The following RLN2 variants were observed in gnomAD, a reference collection of about 807,000 sequenced individuals.
The protein encoded by RLN2 is prorelaxin H2.
RLN2 carries 10 observed loss-of-function variants against 7.3 expected under a neutral mutation model. The observed-to-expected ratio is 1.36, with a 90% CI of 0.84 to 2.31. The LOEUF (loss-of-function observed/expected upper bound fraction) is 2.31. Ranked by LOEUF, RLN2 falls within the 30% of genes most tolerant of loss-of-function variation. The pLI, the probability that RLN2 is intolerant of heterozygous loss-of-function variation, is 0.00. For missense variants in RLN2, 298 were observed against 217.6 expected (o/e 1.37, Z -2.32); for synonymous variants, 103 against 82.3 (o/e 1.25, Z -1.36).
chr9:5,320,863 A>C, the RLN2 span, among the ~76,000 whole-genome samples: 4 of 152,176 alleles, frequency 2.6e-5, no homozygotes, highest in South Asian at 4.1e-4. Flanking sequence ...AGAAATGATG[A>C]ATTTTATCAT....
At chr9:5,327,849 G>A in the RLN2 span, among the ~76,000 whole-genome samples, 8 of 151,870 alleles carry the variant, frequency 5.3e-5, no homozygotes, top group Non-Finnish European at 1.2e-4. Context: ...ACTAATAAAC[G>A]GAAATGAATA....
the RLN2 span, among the ~76,000 whole-genome samples, chr9:5,323,607 C>T: frequency 1.3e-5 from 2 of 151,878 alleles, no homozygotes; most frequent in African/African-American, 4.8e-5. Context: ...TAAAGGTACA[C>T]AGCAACAAAC....
the RLN2 span, among the ~76,000 whole-genome samples, chr9:5,316,141 A>G: frequency 1.3e-5 from 2 of 151,992 alleles, no homozygotes; most frequent in Admixed American, 6.6e-5. Context: ...AATAACTACA[A>G]TAAGTTGTTA....
rs1816086125 is a variant in RLN2, at chr9:5,300,270, A to G, written c.386T>C (p.Phe129Ser). Reference sequence around the variant, plus strand: ...TTGTCTATTGCGAATAAGTTTCTTAAATTCTTCAAAGAGAAGACTGGAATC... The same window carrying G: ...TTGTCTATTGCGAATAAGTTTCTTAGATTCTTCAAAGAGAAGACTGGAATC... ...LKDSSLLFEE[F>S]KKLIRNRQSE... The change falls in exon 2 of 2, where the codon TTT becomes TCT. Residue 129 changes from phenylalanine (F) to serine (S), a missense_variant. Physicochemically the swap from Phe to Ser is radical, Grantham distance 155. Coordinates refer to ENST00000381627, the MANE Select transcript of RLN2 (RefSeq NM_134441.3). 2 of 1,614,044 alleles carry G rather than the reference A, an allele frequency of 1.2e-6. No homozygotes were observed.
the RLN2 span, among the ~76,000 whole-genome samples, chr9:5,332,418 A>T: frequency 1.3e-5 from 2 of 152,188 alleles, no homozygotes; most frequent in African/African-American, 4.8e-5. Flanking sequence ...AGCAGAAAAA[A>T]TAGTATTGTC....
At chr9:5,300,991 A>T in intron 1 of RLN2, among the ~76,000 whole-genome samples, 1 of 152,214 alleles carries the variant, frequency 6.6e-6, no homozygotes, top group East Asian at 1.9e-4. Flanking sequence ...CAGGAGAAAG[A>T]AGTCTCTGAT....
rs1229364994 is a variant in RLN2, at chr9:5,304,380, T to A, written c.201A>T (p.Arg67Ser). The change falls in exon 1 of 2, where the codon AGA (arginine) becomes AGT (serine). Residue 67 changes from arginine to serine, a missense_variant. Coordinates refer to ENST00000381627, the MANE Select transcript of RLN2 (RefSeq NM_134441.3). ...GGCGGGAGCTCTCACCTGCCACTGG[T>A]CTAGGTGTCTGAGGAGCATCTTCCT... Reference protein sequence around the residue: ...LSQEDAPQTPRPVAEIVPSFI... With the variant: ...LSQEDAPQTPSPVAEIVPSFI... 3 of 1,597,420 alleles carry A rather than the reference T, an allele frequency of 1.9e-6. No homozygotes were observed. The highest frequency in any genetic ancestry group is 2.6e-6 in the Non-Finnish European group (3 of 1,173,244).
intron 1 of RLN2, among the ~76,000 whole-genome samples, chr9:5,300,675 G>A (rs568121057): frequency 7.9e-4 from 120 of 152,110 alleles, no homozygotes; most frequent in Non-Finnish European, 1.3e-3. Context: ...GTCCTCTCTC[G>A]TCTCTCTTCA....
the RLN2 span, among the ~76,000 whole-genome samples, chr9:5,330,184 CATAA>C: frequency 6.6e-6 from 1 of 151,998 alleles, no homozygotes; most frequent in Non-Finnish European, 1.5e-5. Context: ...GAAATGAAGG[CATAA>C]ATAAAGAAGT....
At chr9:5,312,663 G>A in the RLN2 span, among the ~76,000 whole-genome samples, 1 of 151,780 alleles carries the variant, frequency 6.6e-6, no homozygotes, top group African/African-American at 2.4e-5. Flanking sequence ...TGTCCTGCCT[G>A]AAATACCATG....
the RLN2 span, among the ~76,000 whole-genome samples, chr9:5,331,399 C>G: frequency 6.6e-6 from 1 of 151,940 alleles, no homozygotes; most frequent in Non-Finnish European, 1.5e-5. Flanking sequence ...GCACTATTCA[C>G]AATAGCAAAG....
At chr9:5,334,145 A>T in the RLN2 span, among the ~76,000 whole-genome samples, 5 of 152,042 alleles carry the variant, frequency 3.3e-5, no homozygotes, top group African/African-American at 7.3e-5. Context: ...GTCCTGTTCA[A>T]CATAGTGTTG....
At chr9:5,333,533 T>TACTAACCAAAAACAGCCC in the RLN2 span, among the ~76,000 whole-genome samples, 10 of 151,978 alleles carry the variant, frequency 6.6e-5, no homozygotes, top group African/African-American at 1.2e-4. Context: ...ATGAACAGCC[T>TACTAACCAAAAACAGCCC]ACTAACCAAA....
chr9:5,307,765 C>A (rs1816280975), upstream of RLN2, among the ~76,000 whole-genome samples: 1 of 152,078 alleles, frequency 6.6e-6, no homozygotes, highest in Non-Finnish European at 1.5e-5. Flanking sequence ...GGCCTCTGAG[C>A]TTCTACAGCC....
chr9:5,325,306 A>G, the RLN2 span, among the ~76,000 whole-genome samples: 2 of 152,000 alleles, frequency 1.3e-5, no homozygotes, highest in Admixed American at 1.3e-4. Context: ...ATAAAGAAAT[A>G]AGAAAGGCAA....
At chr9:5,311,319 T>A in the RLN2 span, 1 of 372,798 alleles carries the variant, frequency 2.7e-6, no homozygotes, top group Non-Finnish European at 5.1e-6. Flanking sequence ...TGAGCAGACA[T>A]GTGATGGGAG....
chr9:5,318,646 C>G, the RLN2 span, among the ~76,000 whole-genome samples: 3 of 151,900 alleles, frequency 2.0e-5, no homozygotes, highest in African/African-American at 7.3e-5. Context: ...TAATTTTCTT[C>G]TTACCTATTG....
the RLN2 span, among the ~76,000 whole-genome samples, chr9:5,325,238 C>T: frequency 2.6e-5 from 4 of 151,736 alleles, no homozygotes; most frequent in Non-Finnish European, 5.9e-5. Flanking sequence ...ACCCAGTCTA[C>T]ACAAGACACA....
rs980429556 is a variant in RLN2, at chr9:5,300,282, A to G, written c.374T>C (p.Leu125Pro). 4 of 1,614,052 alleles carry G rather than the reference A, an allele frequency of 2.5e-6. No homozygotes were observed. The highest frequency in any genetic ancestry group is 3.4e-6 in the Non-Finnish European group (4 of 1,179,964). The change falls in exon 2 of 2, where the codon CTC becomes CCC. Residue 125 changes from leucine (L) to proline (P), a missense_variant. Transcript: ENST00000381627. ...AATAAGTTTCTTAAATTCTTCAAAG[A>G]GAAGACTGGAATCTTTTAATACAGG... ...HVPVLKDSSL[L>P]FEEFKKLIRN... is the part of the protein sequence containing the mutation.
Sources: allele counts gnomAD v4.1 joint callset (sites outside exome capture counted in the v4.1 genomes callset), GRCh38; gene constraint gnomAD v4.1.1; transcripts MANE v1.5; gene names NCBI Gene and HGNC (gene_info 2026-07-23, HGNC 2026-07-21).